NETO1: variants seen among roughly 807,000 people sequenced by gnomAD.
The protein encoded by NETO1 is neuropilin and tolloid like 1, also known as neuropilin and tolloid-like protein 1.
A neutral mutation model predicts 61.3 loss-of-function variants in NETO1; 26 were observed. The ratio of observed to expected loss-of-function variants is 0.42; its 90% CI spans 0.31 to 0.59. NETO1 has a LOEUF of 0.59. NETO1 is among the 20% of genes least tolerant of loss of function. The probability of loss-of-function intolerance (pLI) is 0.12; values close to 1 mark genes in which losing one functional copy is unlikely to be tolerated. For synonymous variants in NETO1, 225 were observed against 225.8 expected (o/e 1.00, Z 0.03); for missense variants, 531 against 662.8 (o/e 0.80, Z 2.18).
intron 4 of NETO1, among the ~76,000 whole-genome samples, chr18:72,846,009 G>A (rs542450813): frequency 9.2e-5 from 14 of 152,128 alleles, no homozygotes; most frequent in African/African-American, 3.4e-4. Context: ...CTGTCTATTC[G>A]TATAATCACT....
At position 72,849,527 on chromosome 18, in the gene NETO1, G is replaced by A. The variant is rs140245074; in HGVS notation, c.469+9299C>T. 6.2e-3 allele frequency among the ~76,000 whole-genome samples: 938 copies of A among 152,250 alleles called. 13 individuals are homozygous for A. The highest frequency in any genetic ancestry group is 0.021 in the African/African-American group (884 of 41,542). ...ACAGTAAGTTTAAGGCAATATAGACGTTTTTCTAACATGCTTCTCAAAATT... is the reference window on the plus strand; with the variant it reads ...ACAGTAAGTTTAAGGCAATATAGACATTTTTCTAACATGCTTCTCAAAATT... On this transcript the variant is annotated intron_variant, in intron 4 of 10. Coordinates refer to ENST00000327305, the MANE Select transcript of NETO1 (RefSeq NM_138966.5).
chr18:72,776,287 A>C (rs1431909136), intron 7 of NETO1, among the ~76,000 whole-genome samples: 1 of 152,302 alleles, frequency 6.6e-6, no homozygotes, highest in East Asian at 1.9e-4. Context: ...GTCTTTTGAG[A>C]GTGAGAACTC....
chr18:72,822,715 T>A (rs1004099656), intron 4 of NETO1, among the ~76,000 whole-genome samples: 1 of 152,218 alleles, frequency 6.6e-6, no homozygotes, highest in Admixed American at 6.5e-5. Context: ...GTCATAGGAA[T>A]AAAAGCTGAA....
chr18:72,800,242 CTGA>C (rs2072460693), intron 4 of NETO1, among the ~76,000 whole-genome samples: 1 of 152,208 alleles, frequency 6.6e-6, no homozygotes, highest in African/African-American at 2.4e-5. Context: ...GATCAAATGC[CTGA>C]TATTGCAAAT....
At chr18:72,757,400 T>TA (rs35175814) in intron 7 of NETO1, among the ~76,000 whole-genome samples, 105,629 of 150,476 alleles carry the variant, frequency 0.7, 37,273 homozygotes, top group Admixed American at 0.77. Flanking sequence ...AGAAATCCTT[T>TA]AAAAAAAAAC....
intron 4 of NETO1, among the ~76,000 whole-genome samples, chr18:72,813,150 C>G (rs1017665348): frequency 2.0e-5 from 3 of 152,078 alleles, no homozygotes; most frequent in Non-Finnish European, 2.9e-5. Context: ...AGGGACGATG[C>G]CTTGCTGTTG....
chr18:72,848,487 T>A (rs2074155677), intron 4 of NETO1, among the ~76,000 whole-genome samples: 2 of 152,284 alleles, frequency 1.3e-5, no homozygotes, highest in Non-Finnish European at 2.9e-5. Flanking sequence ...AAGAAATATG[T>A]TACCGGCTCC....
chr18:72,860,991 C>T (rs545992270), intron 3 of NETO1, among the ~76,000 whole-genome samples: 4 of 152,228 alleles, frequency 2.6e-5, no homozygotes, highest in South Asian at 2.1e-4. Flanking sequence ...ATTTAAATAA[C>T]GTAAGGCTAG....
At chr18:72,808,586 C>T (rs535387853) in intron 4 of NETO1, among the ~76,000 whole-genome samples, 10 of 152,168 alleles carry the variant, frequency 6.6e-5, no homozygotes, top group African/African-American at 2.4e-4. Context: ...AAAAGTTATG[C>T]TTTCTCAAAA....
chr18:72,805,374 T>C (rs549263167), intron 4 of NETO1, among the ~76,000 whole-genome samples: 5 of 152,328 alleles, frequency 3.3e-5, no homozygotes, highest in East Asian at 1.9e-4. Context: ...GTTTGAAATA[T>C]ATCTACGTGA....
chr18:72,826,916 A>G (rs2073392471), intron 4 of NETO1, among the ~76,000 whole-genome samples: 2 of 151,884 alleles, frequency 1.3e-5, no homozygotes, highest in Admixed American at 1.3e-4. Flanking sequence ...AGATCAACCC[A>G]TTTCTAGGGG....
Position 72,750,194 on chromosome 18 carries a change from A to G in NETO1, c.1409T>C (p.Met470Thr). ...CATGACAAGGATATTTCTTCTGTTC[A>G]TGGGTGGGATGAGGGGTTTTCCTGG... ...TQPGKPLIPP[M>T]NRRNILVMKH... The change falls in exon 9 of 11, where the codon ATG (methionine) becomes ACG (threonine). Residue 470 changes from methionine to threonine, a missense_variant. Transcript: ENST00000327305. The G allele has an allele frequency of 6.8e-6, 11 of 1,614,022 alleles. No homozygotes were observed. Among genetic ancestry groups the G allele is most frequent in the South Asian group, 1.1e-5 (1 of 91,080 alleles).
intron 8 of NETO1, among the ~76,000 whole-genome samples, chr18:72,753,265 G>GA (rs34744568): frequency 0.34 from 51,043 of 148,762 alleles, 9,095 homozygotes; most frequent in South Asian, 0.43. Context: ...AGCAACAGAG[G>GA]AAAAAAAAAA....
Position 72,750,130 on chromosome 18 carries a change from G to A in NETO1, c.1473C>T (p.Asp491=). 3 of 1,613,474 alleles carry A rather than the reference G, an allele frequency of 1.9e-6. No individual in the cohort carries two copies. The highest frequency in any genetic ancestry group is 1.1e-5 in the South Asian group (1 of 91,042). Reference sequence around the variant, plus strand: ...TCGGCACCTCTTCGATTTCATCTATGTCACAGGCATCTGCAGCATCTTGCG... The same window carrying A: ...TCGGCACCTCTTCGATTTCATCTATATCACAGGCATCTGCAGCATCTTGCG... ...SYSQDAADAC[D]IDEIEEVPTT... is the part of the protein sequence containing the mutation. Residue 491 remains aspartate, a synonymous_variant, in exon 9 of 11, where the codon GAC becomes GAT. Transcript: ENST00000327305.
At chr18:72,782,630 C>G (rs1389390815) in intron 7 of NETO1, among the ~76,000 whole-genome samples, 7 of 151,896 alleles carry the variant, frequency 4.6e-5, no homozygotes, top group Admixed American at 4.6e-4. Flanking sequence ...CATGGAGAAA[C>G]CCCATCTCTA....
chr18:72,756,888 T>C (rs2070802526), intron 7 of NETO1, among the ~76,000 whole-genome samples: 1 of 152,082 alleles, frequency 6.6e-6, no homozygotes, highest in African/African-American at 2.4e-5. Flanking sequence ...GAGTTTAATA[T>C]AGCAATGTAA....
At chr18:72,767,280 C>T (rs1392496087) in intron 7 of NETO1, among the ~76,000 whole-genome samples, 1 of 152,098 alleles carries the variant, frequency 6.6e-6, no homozygotes, top group Non-Finnish European at 1.5e-5. Flanking sequence ...TTTTCAGGGG[C>T]AGACATAAAC....
chr18:72,843,597 A>G (rs7238787), intron 4 of NETO1, among the ~76,000 whole-genome samples: 124,539 of 152,102 alleles, frequency 0.82, 51,284 homozygotes, highest in East Asian at 1. Flanking sequence ...GCTCATGTGT[A>G]CCCTTGTGCC....
intron 7 of NETO1, among the ~76,000 whole-genome samples, chr18:72,759,892 A>G (rs2070914410): frequency 6.6e-6 from 1 of 152,226 alleles, no homozygotes; most frequent in Non-Finnish European, 1.5e-5. Flanking sequence ...CAAAGAAGTA[A>G]CAATCCAAAT....
Sources: gnomAD v4.1 joint callset for allele counts (sites outside exome capture counted in the v4.1 genomes callset) on GRCh38, gnomAD v4.1.1 for gene constraint, MANE v1.5 for transcripts, NCBI Gene and HGNC (gene_info 2026-07-23, HGNC 2026-07-21) for gene names.